GPHN: variants seen among roughly 807,000 people sequenced by gnomAD.
The protein encoded by GPHN is gephyrin.
A neutral mutation model predicts 95.5 loss-of-function variants in GPHN; 17 were observed. The ratio of observed to expected loss-of-function variants is 0.18; its 90% CI spans 0.12 to 0.27. GPHN has a LOEUF of 0.27. Ranked by LOEUF, GPHN falls within the 10% of genes least tolerant of loss-of-function variation. The pLI is 1.00. For synonymous variants in GPHN, 320 were observed against 322.5 expected, an observed-to-expected ratio of 0.99 and a Z score of 0.08; for missense variants, 660 against 978.1, an observed-to-expected ratio of 0.67 and a Z score of 4.34.
chr14:66,580,052 A>C (rs897625224), intron 1 of GPHN, among the ~76,000 whole-genome samples: 1 of 151,898 alleles, frequency 6.6e-6, no homozygotes, highest in Admixed American at 6.6e-5. Flanking sequence ...TGAAATTATA[A>C]ATCATTAATA....
At chr14:67,285,386 A>ATTT in the GPHN span, among the ~76,000 whole-genome samples, 1 of 101,712 alleles carries the variant, frequency 9.8e-6, no homozygotes, top group East Asian at 5.0e-4. Flanking sequence ...TTTTTTTTTG[A>ATTT]GACGGAGTCT....
Position 66,896,030 on chromosome 14 carries a change from C to T in GPHN, c.389+15997C>T, listed in dbSNP as rs150593360. Among the ~76,000 whole-genome samples, 4 of 152,146 alleles carry T rather than the reference C, an allele frequency of 2.6e-5. No homozygotes were observed. The East Asian group carries it at 7.7e-4, about 29-fold the overall frequency. ...CGTCTGGTGAATGCTTCAAAGATGG[C>T]CCTTTCTTGCTGCATCTTCACGTGG... On this transcript the variant is annotated intron_variant, in intron 5 of 22. Transcript: ENST00000478722.
chr14:67,008,771 T>C (rs1436459012), intron 9 of GPHN, among the ~76,000 whole-genome samples: 1 of 152,102 alleles, frequency 6.6e-6, no homozygotes, highest in Non-Finnish European at 1.5e-5. Flanking sequence ...GGTCTTGAAC[T>C]TCTGGGTTCA....
At chr14:67,545,023 T>C in the GPHN span, among the ~76,000 whole-genome samples, 3 of 152,354 alleles carry the variant, frequency 2.0e-5, no homozygotes, top group African/African-American at 7.2e-5. Flanking sequence ...GGTTAGATCA[T>C]TGTTTGGCTG....
chr14:67,317,034 C>G, the GPHN span: 1 of 648,220 alleles, frequency 1.5e-6, no homozygotes, highest in Non-Finnish European at 2.7e-6. Context: ...AACTGATTAT[C>G]TCAGAACTGT....
the GPHN span, chr14:67,576,286 A>T: frequency 3.1e-6 from 2 of 651,034 alleles, no homozygotes; most frequent in Non-Finnish European, 5.3e-6. This position sits in a 1 kb window ranked among gnomAD's most constrained non-coding sequence, Gnocchi z 4.0. Flanking sequence ...TGCCAACCAA[A>T]CTAGCTGAAC....
chr14:67,473,568 T>C, the GPHN span: 1 of 1,612,816 alleles, frequency 6.2e-7, no homozygotes, highest in African/African-American at 1.3e-5. The surrounding 1 kb of genome is among the most constrained non-coding windows in gnomAD (Gnocchi z 6.5). Flanking sequence ...CACGGCGTAC[T>C]CCAGGGTGAT....
the GPHN span, chr14:67,228,220 TA>T: frequency 4.3e-4 from 68 of 158,222 alleles, no homozygotes; most frequent in African/African-American, 1.5e-3. Flanking sequence ...ATGGCTGGAT[TA>T]AAAAAAAGAG....
the GPHN span, among the ~76,000 whole-genome samples, chr14:67,678,619 C>G: frequency 6.6e-6 from 1 of 152,194 alleles, no homozygotes; most frequent in African/African-American, 2.4e-5. Flanking sequence ...TAGATCTCCT[C>G]GCTAGACCAC....
chr14:67,134,104 AG>A (rs2079893471), intron 17 of GPHN, among the ~76,000 whole-genome samples: 1 of 152,238 alleles, frequency 6.6e-6, no homozygotes, highest in Non-Finnish European at 1.5e-5. Context: ...ATAGAATCAC[AG>A]TATCTTATTC....
At chr14:66,798,789 A>C (rs1274075882) in intron 3 of GPHN, among the ~76,000 whole-genome samples, 1 of 147,864 alleles carries the variant, frequency 6.8e-6, no homozygotes, top group African/African-American at 2.5e-5. Context: ...TTGATCTTTG[A>C]TTTTTTTTTC....
intron 1 of GPHN, among the ~76,000 whole-genome samples, chr14:66,527,020 C>G (rs1453339874): frequency 6.6e-6 from 1 of 152,076 alleles, no homozygotes; most frequent in Admixed American, 6.5e-5. Flanking sequence ...CCCTCTTTTT[C>G]TATTGTTTGC....
chr14:67,446,541 C>G, the GPHN span, among the ~76,000 whole-genome samples: 20 of 152,196 alleles, frequency 1.3e-4, no homozygotes, highest in African/African-American at 4.8e-4. Context: ...GGGTGTCCTG[C>G]CAAGCACGCC....
At chr14:66,961,900 G>GTGTATATATATATATATATATATA (rs1177915817) in intron 8 of GPHN, among the ~76,000 whole-genome samples, 1 of 52,958 alleles carries the variant, frequency 1.9e-5, no homozygotes, top group East Asian at 4.4e-4. Flanking sequence ...CCCTGAATGT[G>GTGTATATATATATATATATATATA]TATATATATA....
the GPHN span, chr14:67,473,279 T>G: frequency 2.1e-5 from 25 of 1,177,712 alleles, no homozygotes; most frequent in Non-Finnish European, 2.7e-5. The surrounding 1 kb of genome is among the most constrained non-coding windows in gnomAD (Gnocchi z 6.5). Flanking sequence ...CCCGCGGACG[T>G]TAGGGGGCTC....
chr14:67,590,248 AATT>A, the GPHN span: 5 of 1,178,326 alleles, frequency 4.2e-6, no homozygotes, highest in South Asian at 3.5e-5. Flanking sequence ...TCCACTTGCA[AATT>A]TTTTTTTTTT....
the GPHN span, chr14:67,620,823 C>T: frequency 6.6e-7 from 1 of 1,521,094 alleles, no homozygotes; most frequent in East Asian, 2.3e-5. Flanking sequence ...CTGCTGGGAA[C>T]TAAATGTACC....
At chr14:66,725,336 T>A (rs1007257038) in intron 2 of GPHN, among the ~76,000 whole-genome samples, 3 of 152,250 alleles carry the variant, frequency 2.0e-5, no homozygotes, top group African/African-American at 7.2e-5. Context: ...TCAGTCTTGA[T>A]ATAGATAGGT....
At chr14:66,544,740 CCG>C (rs1594895515) in intron 1 of GPHN, among the ~76,000 whole-genome samples, 1 of 152,176 alleles carries the variant, frequency 6.6e-6, no homozygotes, top group East Asian at 1.9e-4. Flanking sequence ...CTGTGGCCTT[CCG>C]CAGTGTTTGT....
Sources: gnomAD v4.1 joint callset for allele counts (sites outside exome capture counted in the v4.1 genomes callset) on GRCh38, gnomAD v4.1.1 for gene constraint, Gnocchi (gnomAD v3.1) non-coding constraint, MANE v1.5 for transcripts, NCBI Gene and HGNC (gene_info 2026-07-23, HGNC 2026-07-21) for gene names.